NECTIN3: variants seen among roughly 807,000 people sequenced by gnomAD.
NECTIN3 encodes the protein nectin-3.
Under a neutral mutation model 49.4 loss-of-function variants are expected in NECTIN3, and 8 were observed. That is an observed-to-expected ratio of 0.16 (90% CI 0.10 to 0.29). The LOEUF (loss-of-function observed/expected upper bound fraction) is 0.29, where lower values mean the gene tolerates loss of function less well. Ranked by LOEUF, NECTIN3 falls within the 10% of genes least tolerant of loss-of-function variation. NECTIN3 has a pLI of 1.00. For synonymous variants in NECTIN3, 277 were observed against 241.1 expected (o/e 1.15, Z -1.38); for missense variants, 581 against 654.6 (o/e 0.89, Z 1.23).
intron 1 of NECTIN3, among the ~76,000 whole-genome samples, chr3:111,085,191 CT>C (rs2031855138): frequency 6.6e-6 from 1 of 152,206 alleles, no homozygotes; most frequent in Admixed American, 6.5e-5. Flanking sequence ...TTAAATACAT[CT>C]GTGGACACTC....
At chr3:111,122,315 C>A in intron 4 of NECTIN3, 77 bp downstream of exon 4, 3 of 1,083,514 alleles carry the variant, frequency 2.8e-6, no homozygotes, top group South Asian at 1.6e-5. Context: ...TTGTTTTTAT[C>A]TGTATAATAC....
At chr3:111,072,624 C>T in intron 1 of NECTIN3, 2 of 1,495,118 alleles carry the variant, frequency 1.3e-6, no homozygotes, top group Non-Finnish European at 9.0e-7. Context: ...TCCGGGTCCA[C>T]TTCTCATGGC....
chr3:111,088,756 T>TA (rs1409333084), intron 1 of NECTIN3, among the ~76,000 whole-genome samples: 2 of 152,206 alleles, frequency 1.3e-5, no homozygotes, highest in African/African-American at 4.8e-5. Flanking sequence ...TCTTTCCACA[T>TA]ATGTTTATGA....
In NECTIN3 at chr3:111,134,263, T is replaced by C. The variant is rs760232528; in HGVS notation, c.*48T>C. 2.4e-4 allele frequency: 364 copies of C among 1,512,706 alleles called. No homozygotes were observed. Among genetic ancestry groups the C allele is most frequent in the Non-Finnish European group, 3.1e-4 (347 of 1,135,534 alleles). 93.7% of individuals were successfully genotyped at this position (1,512,706 alleles called of 1,614,324 possible). On this transcript the variant is annotated 3_prime_UTR_variant, in exon 6 of 6. Coordinates refer to ENST00000485303, the MANE Select transcript of NECTIN3 (RefSeq NM_015480.3). ...TATGTACAATGTTCATTCACACTAG[T>C]TGATCATTTTCAGATTGTTCATACT... is the stretch of plus-strand genomic sequence containing the variant.
At chr3:111,091,753 G>A (rs1310354471) in intron 1 of NECTIN3, among the ~76,000 whole-genome samples, 2 of 152,122 alleles carry the variant, frequency 1.3e-5, no homozygotes, top group Admixed American at 6.5e-5. Flanking sequence ...AAATAATGCT[G>A]CTGTAAATGT....
chr3:111,160,782 C>T (rs1318623740), intron 7 of NECTIN3, among the ~76,000 whole-genome samples: 4 of 152,150 alleles, frequency 2.6e-5, no homozygotes, highest in East Asian at 1.9e-4. Flanking sequence ...CTGAGGCAGG[C>T]GGATCACGAG....
intron 7 of NECTIN3, among the ~76,000 whole-genome samples, chr3:111,177,365 T>C (rs1348535137): frequency 6.6e-6 from 1 of 152,204 alleles, no homozygotes; most frequent in Non-Finnish European, 1.5e-5. Context: ...AATATGAGAT[T>C]TGGGAAGGCC....
At position 111,120,766 on chromosome 3, in the gene NECTIN3, A is replaced by G. The variant is rs114516121; in HGVS notation, c.800-1355A>G. ...AAGCTAGAGAGTCTCTGCATCATACATAACTAGCACTTCATTGGGGAAGCC... is the reference window on the plus strand; with the variant it reads ...AAGCTAGAGAGTCTCTGCATCATACGTAACTAGCACTTCATTGGGGAAGCC... On this transcript the variant is annotated intron_variant, in intron 3 of 5. Transcript: ENST00000485303. Among the ~76,000 whole-genome samples the G allele has an allele frequency of 1.2e-3, 183 of 152,196 alleles. 1 individual carries two copies. Among genetic ancestry groups the G allele is most frequent in the African/African-American group, 4.3e-3 (179 of 41,538 alleles).
intron 1 of NECTIN3, among the ~76,000 whole-genome samples, chr3:111,073,162 G>A (rs968448117): frequency 2.0e-5 from 3 of 152,130 alleles, no homozygotes; most frequent in Non-Finnish European, 4.4e-5. Context: ...ACTGCGAGTA[G>A]TTATTTATTT....
chr3:111,076,548 A>G (rs2031214545), intron 1 of NECTIN3, among the ~76,000 whole-genome samples: 1 of 152,118 alleles, frequency 6.6e-6, no homozygotes, highest in Admixed American at 6.6e-5. Context: ...CATATGTTTG[A>G]TTACTTCATA....
In NECTIN3 at chr3:111,175,564, T is replaced by A. The variant is rs541349380; in HGVS notation, c.1222-16787T>A. On this transcript the variant is annotated intron_variant, in intron 7 of 8. Transcript: ENST00000493615. ...CATACATTCTTTCACAAGTAGATAT[T>A]ACTTAGGATGAGATTATTTCAGAAC... Among the ~76,000 whole-genome samples the A allele has an allele frequency of 3.9e-5, 6 of 152,234 alleles. No individual in the cohort carries two copies. In the East Asian group the frequency reaches 1.2e-3, roughly 30 times the overall value.
chr3:111,131,524 C>T (rs1425706655), intron 5 of NECTIN3, among the ~76,000 whole-genome samples: 1 of 151,886 alleles, frequency 6.6e-6, no homozygotes, highest in East Asian at 1.9e-4. Context: ...AATGATATTA[C>T]TAGTGAGGCT....
At chr3:111,148,416 G>A (rs2034928231) in intron 7 of NECTIN3, among the ~76,000 whole-genome samples, 1 of 152,202 alleles carries the variant, frequency 6.6e-6, no homozygotes, top group Admixed American at 6.5e-5. Flanking sequence ...ACAGTTAGGT[G>A]TCCTGATGGT....
chr3:111,080,678 CA>C (rs11322721), intron 1 of NECTIN3, among the ~76,000 whole-genome samples: 109,101 of 129,144 alleles, frequency 0.84, 46,641 homozygotes, highest in East Asian at 0.99. Context: ...ATATGTCATG[CA>C]AAAAAAAAAA....
At chr3:111,138,371 C>T (rs1429476779), downstream of NECTIN3, among the ~76,000 whole-genome samples, 1 of 151,490 alleles carries the variant, frequency 6.6e-6, no homozygotes, top group Non-Finnish European at 1.5e-5. Context: ...GAGGGGTTTG[C>T]ACAGTAAACC....
At chr3:111,152,835 A>G (rs938492959) in intron 7 of NECTIN3, among the ~76,000 whole-genome samples, 1 of 151,916 alleles carries the variant, frequency 6.6e-6, no homozygotes, top group Non-Finnish European at 1.5e-5. Flanking sequence ...CAATCAGGCC[A>G]TATTTCATTT....
At position 111,135,007 on chromosome 3, in the gene NECTIN3, T is replaced by A. The variant is rs960906447; in HGVS notation, c.*792T>A. 3.1e-6 allele frequency: 3 copies of A among 979,136 alleles called. No homozygotes were observed. The African/African-American group carries it at 5.3e-5, about 17-fold the overall frequency. The allele number at this position is 979,136 out of a possible 1,614,324, so 60.7% of individuals were successfully genotyped here. ...TTTTTCCTTTCTGGAACATGGATTT[T>A]GGTACATTAGCAGTAGCCTTATTTT... On this transcript the variant is annotated 3_prime_UTR_variant, in exon 6 of 6. Coordinates refer to ENST00000485303, the MANE Select transcript of NECTIN3 (RefSeq NM_015480.3).
chr3:111,135,211 GA>G lies in NECTIN3; in HGVS notation c.*999del. 3 of 977,170 alleles carry G rather than the reference GA, an allele frequency of 3.1e-6. No homozygotes were observed. Among genetic ancestry groups the G allele is most frequent in the Non-Finnish European group, 1.2e-6 (1 of 822,656 alleles). 60.5% of individuals were successfully genotyped at this position (977,170 alleles called of 1,614,324 possible). ...TGTTGTTCAAATGGGTAAATGTACA[GA>G]AAGAAAATTTTAGAGTAAACTTGGA... On this transcript the variant is annotated 3_prime_UTR_variant, in exon 6 of 6. Transcript: ENST00000485303.
At chr3:111,095,572 A>G (rs919004977) in intron 1 of NECTIN3, among the ~76,000 whole-genome samples, 4 of 152,146 alleles carry the variant, frequency 2.6e-5, no homozygotes, top group African/African-American at 9.7e-5. Context: ...TACTTTTTTC[A>G]ACAGCTTTAC....
Sources: allele counts gnomAD v4.1 joint callset (sites outside exome capture counted in the v4.1 genomes callset), GRCh38; gene constraint gnomAD v4.1.1; transcripts MANE v1.5; gene names NCBI Gene and HGNC (gene_info 2026-07-23, HGNC 2026-07-21).